Variants in AOAH observed in about 807,000 individuals in gnomAD.
The protein encoded by AOAH is acyloxyacyl hydrolase.
In AOAH, 64 loss-of-function variants were observed where a neutral mutation model predicts 92.2. The ratio of observed to expected loss-of-function variants is 0.69; its 90% CI spans 0.57 to 0.86. AOAH has a LOEUF of 0.86. AOAH is among the 40% of genes least tolerant of loss of function. The pLI is 0.00. For synonymous variants in AOAH, 263 were observed against 254.5 expected (o/e 1.03, Z -0.32); for missense variants, 656 against 694.6 (o/e 0.94, Z 0.62).
chr7:36,598,009 T>C (rs2115595153), intron 11 of AOAH: 1 of 152,276 alleles, frequency 6.6e-6, no homozygotes, highest in Non-Finnish European at 1.5e-5. Context: ...ACTTCTTGTC[T>C]TCAGTGGCGG....
At chr7:36,684,465 C>T (rs1371209087) in intron 2 of AOAH, among the ~76,000 whole-genome samples, 3 of 152,114 alleles carry the variant, frequency 2.0e-5, no homozygotes, top group South Asian at 4.1e-4. Context: ...TGCCTTTCCA[C>T]TAAGTACTGT....
At chr7:36,715,328 T>C (rs1029336816) in intron 1 of AOAH, among the ~76,000 whole-genome samples, 21 of 152,048 alleles carry the variant, frequency 1.4e-4, no homozygotes, top group Non-Finnish European at 2.6e-4. Flanking sequence ...TAAAAGAGGA[T>C]ACAAACAAAT....
chr7:36,686,044 CAAA>C (rs1796984833), intron 2 of AOAH, among the ~76,000 whole-genome samples: 2 of 151,830 alleles, frequency 1.3e-5, no homozygotes, highest in African/African-American at 4.8e-5. Context: ...ATTTGACTGT[CAAA>C]GAAGTTTATT....
intron 7 of AOAH, 58 bp downstream of exon 7, chr7:36,623,130 GAA>G (rs1268439798): frequency 8.6e-6 from 12 of 1,388,774 alleles, no homozygotes; most frequent in Admixed American, 6.9e-5. Flanking sequence ...TTAAAGGAAA[GAA>G]ATGTGTAGGA....
chr7:36,618,496 C>T (rs763013195), intron 9 of AOAH, 151 bp from the exon 10 acceptor site: 41 of 685,886 alleles, frequency 6.0e-5, no homozygotes, highest in Admixed American at 2.7e-4. Context: ...AACATAGCAA[C>T]GCCCTGTGCG....
At chr7:36,635,145 C>CTAGA (rs1323111315) in intron 5 of AOAH, among the ~76,000 whole-genome samples, 5 of 152,248 alleles carry the variant, frequency 3.3e-5, no homozygotes, top group Admixed American at 1.3e-4. Context: ...TTGAACTTTG[C>CTAGA]TAGATAGAGA....
intron 11 of AOAH, among the ~76,000 whole-genome samples, chr7:36,611,549 T>A (rs1369549685): frequency 1.3e-5 from 2 of 152,164 alleles, no homozygotes; most frequent in Non-Finnish European, 2.9e-5. Flanking sequence ...CTGGAGTGAT[T>A]TTCTTAAAAT....
chr7:36,638,191 C>T (rs1007396717), intron 4 of AOAH, among the ~76,000 whole-genome samples: 14 of 152,162 alleles, frequency 9.2e-5, no homozygotes, highest in East Asian at 3.9e-4. Flanking sequence ...ACGAGGAAAC[C>T]GAGATGCAGA....
At chr7:36,523,629 G>GTTTTTTTTTTTTTTTTTTTTTTTTTTTTT (rs57628897) in intron 19 of AOAH, among the ~76,000 whole-genome samples, 1 of 100,138 alleles carries the variant, frequency 1.0e-5, no homozygotes, top group African/African-American at 4.1e-5. Flanking sequence ...TGTTTTGCCT[G>GTTTTTTTTTTTTTTTTTTTTTTTTTTTTT]TTTTTTTTTT....
chr7:36,532,799 C>T (rs553928198), intron 16 of AOAH, among the ~76,000 whole-genome samples: 31 of 152,258 alleles, frequency 2.0e-4, no homozygotes, highest in African/African-American at 2.9e-4. Context: ...GTTTATGAAA[C>T]GCTCAGGTCT....
chr7:36,514,498 G>T (rs1163085727), intron 20 of AOAH: 1 of 1,535,932 alleles, frequency 6.5e-7, no homozygotes, highest in Non-Finnish European at 8.7e-7. Context: ...CGCATGTCAG[G>T]TTTCCCTTTA....
chr7:36,518,649 G>T (rs1783951889), intron 20 of AOAH, among the ~76,000 whole-genome samples: 1 of 152,200 alleles, frequency 6.6e-6, no homozygotes, highest in Non-Finnish European at 1.5e-5. Flanking sequence ...GGGATCTTCT[G>T]GTTAATAGAG....
Position 36,513,929 on chromosome 7 carries a change from A to ATT in AOAH, c.1600-551_1600-550dup, listed in dbSNP as rs576023172. Among the ~76,000 whole-genome samples, 50 of 152,302 alleles carry ATT rather than the reference A, an allele frequency of 3.3e-4. 1 individual carries two copies. The South Asian group carries it at 9.3e-3, about 28-fold the overall frequency. On this transcript the variant is annotated intron_variant, in intron 20 of 20. Coordinates refer to ENST00000617537, the MANE Select transcript of AOAH (RefSeq NM_001637.4). Reference sequence around the variant, plus strand: ...TGTGTTAAGCTGCTAAGTGTATGGAATTTGTTTTTTCAGTAATAGATTAAA... The same window carrying ATT: ...TGTGTTAAGCTGCTAAGTGTATGGAATTTTTGTTTTTTCAGTAATAGATTAAA...
At chr7:36,628,660 C>G (rs1487042096) in intron 6 of AOAH, among the ~76,000 whole-genome samples, 6 of 152,196 alleles carry the variant, frequency 3.9e-5, no homozygotes. Flanking sequence ...AACCTGGGAG[C>G]TGGAACGCGT....
chr7:36,683,249 C>G lies in AOAH; in HGVS notation c.223+3450G>C, dbSNP rs115195939. 6.9e-3 allele frequency among the ~76,000 whole-genome samples: 1,050 copies of G among 152,262 alleles called. 9 individuals carry two copies. The highest frequency in any genetic ancestry group is 0.024 in the African/African-American group (1,002 of 41,556). On this transcript the variant is annotated intron_variant, in intron 2 of 20. Transcript: ENST00000617537. ...ATAAAGGGCGCAGACAGCCTGTTAT[C>G]AACATGCAAGAATTCAAGGAATATT...
intron 2 of AOAH, among the ~76,000 whole-genome samples, chr7:36,676,737 G>T (rs1375613662): frequency 6.6e-6 from 1 of 152,148 alleles, no homozygotes; most frequent in Non-Finnish European, 1.5e-5. Flanking sequence ...AGATAGCATG[G>T]TATTAACATA....
At chr7:36,631,373 C>CT (rs1793087295) in intron 6 of AOAH, among the ~76,000 whole-genome samples, 1 of 151,120 alleles carries the variant, frequency 6.6e-6, no homozygotes, top group South Asian at 2.1e-4. Context: ...AAAGAAGTAG[C>CT]TTAGTGGAGG....
At chr7:36,526,918 A>G (rs1300865880) in intron 19 of AOAH, among the ~76,000 whole-genome samples, 1 of 152,240 alleles carries the variant, frequency 6.6e-6, no homozygotes, top group African/African-American at 2.4e-5. Context: ...CGGGGAACCA[A>G]GAGCCAGGTT....
intron 11 of AOAH, among the ~76,000 whole-genome samples, chr7:36,598,786 A>C (rs1314786251): frequency 6.6e-6 from 1 of 152,256 alleles, no homozygotes; most frequent in East Asian, 1.9e-4. Flanking sequence ...CAAAAAGAGA[A>C]TGTTTAAGTC....
Sources: gnomAD v4.1 joint callset for allele counts (sites outside exome capture counted in the v4.1 genomes callset) on GRCh38, gnomAD v4.1.1 for gene constraint, MANE v1.5 for transcripts, NCBI Gene and HGNC (gene_info 2026-07-23, HGNC 2026-07-21) for gene names.